SPOCK1: variants seen among roughly 807,000 people sequenced by gnomAD.
SPOCK1 encodes the protein SPARC (osteonectin), cwcv and kazal like domains proteoglycan 1.
SPOCK1 carries 23 observed loss-of-function variants against 55.3 expected under a neutral mutation model. The observed-to-expected ratio is 0.42, with a 90% CI of 0.30 to 0.59. The LOEUF (loss-of-function observed/expected upper bound fraction) is 0.59, where lower values mean the gene tolerates loss of function less well. Ranked by LOEUF, SPOCK1 falls within the 20% of genes least tolerant of loss-of-function variation. The probability of loss-of-function intolerance (pLI) is 0.22; values close to 1 mark genes in which losing one functional copy is unlikely to be tolerated. For missense variants in SPOCK1, 499 were observed against 552.5 expected, an observed-to-expected ratio of 0.90 and a Z score of 0.97; for synonymous variants, 226 against 221.0, an observed-to-expected ratio of 1.02 and a Z score of -0.20.
At chr5:137,168,194 T>G (rs1306431286) in intron 3 of SPOCK1, among the ~76,000 whole-genome samples, 3 of 152,030 alleles carry the variant, frequency 2.0e-5, no homozygotes, top group South Asian at 4.1e-4. Flanking sequence ...GACACCTATC[T>G]CTCACCATAT....
chr5:137,486,429 G>C (rs949320173), intron 2 of SPOCK1, among the ~76,000 whole-genome samples: 1 of 152,160 alleles, frequency 6.6e-6, no homozygotes, highest in Non-Finnish European at 1.5e-5. Context: ...AGGTTTCCCT[G>C]ACCTCCAAGC....
chr5:137,446,560 A>G (rs1753132438), intron 2 of SPOCK1, among the ~76,000 whole-genome samples: 1 of 152,212 alleles, frequency 6.6e-6, no homozygotes, highest in South Asian at 2.1e-4. Flanking sequence ...GATGCACAGT[A>G]TGAGAAAATT....
chr5:137,095,199 C>T (rs1220890822), intron 5 of SPOCK1, among the ~76,000 whole-genome samples: 2 of 152,122 alleles, frequency 1.3e-5, no homozygotes, highest in African/African-American at 2.4e-5. Context: ...ATCACCATAA[C>T]AAATATAATA....
At chr5:137,291,443 G>T (rs1361421747) in intron 2 of SPOCK1, among the ~76,000 whole-genome samples, 1 of 152,214 alleles carries the variant, frequency 6.6e-6, no homozygotes, top group Non-Finnish European at 1.5e-5. Flanking sequence ...TCCTTCACCT[G>T]AAAGGTCAGT....
At chr5:137,480,940 C>T (rs1211438382) in intron 2 of SPOCK1, among the ~76,000 whole-genome samples, 1 of 152,088 alleles carries the variant, frequency 6.6e-6, no homozygotes, top group African/African-American at 2.4e-5. Flanking sequence ...CTTTTGAGAA[C>T]CTTCATTGTG....
At chr5:137,019,684 G>T (rs900761328) in intron 6 of SPOCK1, among the ~76,000 whole-genome samples, 1 of 151,978 alleles carries the variant, frequency 6.6e-6, no homozygotes, top group African/African-American at 2.4e-5. Flanking sequence ...ACAAAAAATA[G>T]ATATTTTGCA....
At chr5:137,460,350 G>A (rs1753457192) in intron 2 of SPOCK1, among the ~76,000 whole-genome samples, 1 of 152,130 alleles carries the variant, frequency 6.6e-6, no homozygotes, top group Admixed American at 6.5e-5. Context: ...AGGGGAGTAA[G>A]CCCTTAGGAT....
Position 137,483,962 on chromosome 5 carries a change from C to G in SPOCK1, c.186+14411G>C, listed in dbSNP as rs73304310. Reference sequence around the variant, plus strand: ...CTCTGAGGTGAGTGCACCAGACAAGCCTGCGGTGGGAGGAAACATTGGGTA... The same window carrying G: ...CTCTGAGGTGAGTGCACCAGACAAGGCTGCGGTGGGAGGAAACATTGGGTA... On this transcript the variant is annotated intron_variant, in intron 2 of 10. Coordinates refer to ENST00000394945, the MANE Select transcript of SPOCK1 (RefSeq NM_004598.4). Among the ~76,000 whole-genome samples, 1,121 of 152,302 alleles carry G rather than the reference C, an allele frequency of 7.4e-3. 17 individuals are homozygous for G. Among genetic ancestry groups the G allele is most frequent in the African/African-American group, 0.025 (1,048 of 41,548 alleles).
chr5:137,032,133 C>T (rs1751792973), intron 6 of SPOCK1, among the ~76,000 whole-genome samples: 1 of 151,706 alleles, frequency 6.6e-6, no homozygotes, highest in African/African-American at 2.4e-5. Flanking sequence ...TGTCCATCTC[C>T]TCAAACTCAC....
In SPOCK1 at chr5:137,474,130, T is replaced by C. The variant is rs185881936; in HGVS notation, c.186+24243A>G. On this transcript the variant is annotated intron_variant, in intron 2 of 10. Transcript: ENST00000394945. ...GGAGCGAGGGATAAAAGACTATGTA[T>C]ACGGTGCAGCGTATGGTGCACCAGG... Among the ~76,000 whole-genome samples, 609 of 152,172 alleles carry C rather than the reference T, an allele frequency of 4.0e-3. 2 individuals are homozygous for C. Among genetic ancestry groups the C allele is most frequent in the African/African-American group, 0.014 (584 of 41,514 alleles).
At chr5:137,493,792 G>A (rs1463552921) in intron 2 of SPOCK1, among the ~76,000 whole-genome samples, 1 of 152,138 alleles carries the variant, frequency 6.6e-6, no homozygotes, top group Non-Finnish European at 1.5e-5. Flanking sequence ...GATCCACTAA[G>A]CCATACCACC....
intron 2 of SPOCK1, among the ~76,000 whole-genome samples, chr5:137,436,623 C>G (rs1032266301): frequency 6.6e-6 from 1 of 151,508 alleles, no homozygotes; most frequent in Non-Finnish European, 1.5e-5. Context: ...TGACACAATC[C>G]AAAAAAAGAA....
chr5:137,095,770 C>G (rs1403295055), intron 5 of SPOCK1, among the ~76,000 whole-genome samples: 5 of 152,186 alleles, frequency 3.3e-5, no homozygotes, highest in Non-Finnish European at 7.3e-5. Flanking sequence ...GGAAAAAAGT[C>G]TTAGAAATTC....
At position 137,021,060 on chromosome 5, in the gene SPOCK1, C is replaced by A. The variant is rs1314641616; in HGVS notation, c.590-28460G>T. 2.0e-5 allele frequency among the ~76,000 whole-genome samples: 3 copies of A among 152,032 alleles called. No individual in the cohort carries two copies. In the East Asian group the frequency reaches 5.8e-4, roughly 29 times the overall value. ...ATTTCATTCCTAGGTATATGCCCTGCATAAAATCATTTGTACACATACACC... is the reference window on the plus strand; with the variant it reads ...ATTTCATTCCTAGGTATATGCCCTGAATAAAATCATTTGTACACATACACC... On this transcript the variant is annotated intron_variant, in intron 6 of 10. Transcript: ENST00000394945.
intron 5 of SPOCK1, among the ~76,000 whole-genome samples, chr5:137,106,323 C>T (rs1753366529): frequency 6.6e-6 from 1 of 152,184 alleles, no homozygotes; most frequent in Non-Finnish European, 1.5e-5. Context: ...ATCAGTGCTT[C>T]TCTTCCAGCA....
chr5:137,288,727 G>A (rs936510044), intron 2 of SPOCK1, among the ~76,000 whole-genome samples: 1 of 152,128 alleles, frequency 6.6e-6, no homozygotes, highest in African/African-American at 2.4e-5. Flanking sequence ...AGTCCCTCAC[G>A]GTTTATCCAG....
chr5:137,307,784 G>C (rs1034531992), intron 2 of SPOCK1, among the ~76,000 whole-genome samples: 3 of 152,196 alleles, frequency 2.0e-5, no homozygotes, highest in South Asian at 2.1e-4. Context: ...GCCTGACATG[G>C]CCTTGAGGAC....
At chr5:137,170,204 T>C (rs546315184) in intron 3 of SPOCK1, among the ~76,000 whole-genome samples, 1 of 152,324 alleles carries the variant, frequency 6.6e-6, no homozygotes, top group East Asian at 1.9e-4. Context: ...GCCATGTAAA[T>C]AGTTGTTATA....
intron 3 of SPOCK1, among the ~76,000 whole-genome samples, chr5:137,160,619 ATATTT>A (rs1754528736): frequency 1.2e-5 from 1 of 84,542 alleles, no homozygotes; most frequent in Non-Finnish European, 2.1e-5. Context: ...TATATAATAT[ATATTT>A]TATATAATAT....
Sources: allele counts gnomAD v4.1 joint callset (sites outside exome capture counted in the v4.1 genomes callset), GRCh38; gene constraint gnomAD v4.1.1; transcripts MANE v1.5; gene names NCBI Gene and HGNC (gene_info 2026-07-23, HGNC 2026-07-21).